The following GPC6 variants were observed in gnomAD, a reference collection of about 807,000 sequenced individuals.
GPC6 encodes the protein glypican-6.
In GPC6, 14 loss-of-function variants were observed where a neutral mutation model predicts 55.2. That is an observed-to-expected ratio of 0.25 (90% confidence interval 0.17 to 0.40). The LOEUF is 0.40. Among genes scored for constraint, GPC6 ranks in the 10% least tolerant of loss-of-function variants. The probability of loss-of-function intolerance (pLI) is 1.00; values close to 1 mark genes in which losing one functional copy is unlikely to be tolerated. For missense variants in GPC6, 641 were observed against 708.5 expected (o/e 0.90, Z 1.08); for synonymous variants, 278 against 259.6 (o/e 1.07, Z -0.68).
intron 1 of GPC6, among the ~76,000 whole-genome samples, chr13:93,534,982 G>A (rs956116562): frequency 3.3e-5 from 5 of 152,128 alleles, no homozygotes; most frequent in African/African-American, 9.7e-5. Context: ...GCTTTTGTAT[G>A]ACATGAACCT....
chr13:93,691,332 A>G (rs1458136904), intron 2 of GPC6, among the ~76,000 whole-genome samples: 1 of 152,044 alleles, frequency 6.6e-6, no homozygotes, highest in East Asian at 1.9e-4. Flanking sequence ...GGCAGTTGAG[A>G]AATTATTGGT....
intron 1 of GPC6, among the ~76,000 whole-genome samples, chr13:93,325,678 G>A (rs1879628268): frequency 6.6e-6 from 1 of 152,108 alleles, no homozygotes; most frequent in Admixed American, 6.6e-5. Context: ...ACTTTGCAAT[G>A]TATGTATGTA....
chr13:94,176,902 C>G (rs17175140), intron 4 of GPC6, among the ~76,000 whole-genome samples: 7,059 of 152,164 alleles, frequency 0.046, 203 homozygotes, highest in East Asian at 0.11. Context: ...AGTAGAACAT[C>G]GAAAACTTCA....
intron 4 of GPC6, among the ~76,000 whole-genome samples, chr13:94,169,471 A>T (rs753584346): frequency 4.6e-5 from 7 of 152,192 alleles, no homozygotes; most frequent in Non-Finnish European, 1.0e-4. Flanking sequence ...AAAATCTTAA[A>T]ATACTAGAAC....
intron 4 of GPC6, among the ~76,000 whole-genome samples, chr13:94,071,675 A>T (rs1014362662): frequency 1.3e-5 from 2 of 152,198 alleles, no homozygotes; most frequent in African/African-American, 4.8e-5. Flanking sequence ...TTCAGAGAAG[A>T]CAAAATTTCT....
chr13:94,057,643 T>C (rs1402412578), intron 4 of GPC6, among the ~76,000 whole-genome samples: 1 of 152,190 alleles, frequency 6.6e-6, no homozygotes, highest in Non-Finnish European at 1.5e-5. Context: ...GAAACCACCG[T>C]TGTGAAATAT....
intron 1 of GPC6, among the ~76,000 whole-genome samples, chr13:93,387,211 G>A (rs548231895): frequency 6.6e-6 from 1 of 151,462 alleles, no homozygotes; most frequent in South Asian, 2.1e-4. Context: ...AGACTGTGCA[G>A]GTTTGTTACA....
chr13:93,847,374 T>G (rs1451993697), intron 3 of GPC6, among the ~76,000 whole-genome samples: 1 of 152,122 alleles, frequency 6.6e-6, no homozygotes, highest in Admixed American at 6.5e-5. Flanking sequence ...TCTTTAAAAA[T>G]AGCCATAATA....
intron 1 of GPC6, among the ~76,000 whole-genome samples, chr13:93,340,026 C>CTTTTTTTTTTTTT (rs10714044): frequency 1.2e-5 from 1 of 81,618 alleles, no homozygotes; most frequent in Non-Finnish European, 2.2e-5. Flanking sequence ...AGTTTTCTTT[C>CTTTTTTTTTTTTT]TTTTTTTTTT....
chr13:94,286,346 C>T lies in GPC6; in HGVS notation c.878-3C>T. ...AATAAATCATGTTCCTGTATTTTAACAGATGCAATGCTCTTGGTGGCAGAG... is the reference window on the plus strand; with the variant it reads ...AATAAATCATGTTCCTGTATTTTAATAGATGCAATGCTCTTGGTGGCAGAG... On this transcript the variant is annotated splice_region_variant and splice_polypyrimidine_tract_variant and intron_variant, in intron 4 of 8. Coordinates refer to ENST00000377047, the MANE Select transcript of GPC6 (RefSeq NM_005708.5). 6.2e-7 allele frequency: 1 copy of T among 1,613,668 alleles called. No homozygotes were observed. The highest frequency in any genetic ancestry group is 8.5e-7 in the Non-Finnish European group (1 of 1,179,734).
intron 1 of GPC6, among the ~76,000 whole-genome samples, chr13:93,298,681 C>T (rs1317954558): frequency 2.0e-5 from 3 of 151,822 alleles, no homozygotes; most frequent in Non-Finnish European, 4.4e-5. Context: ...TTCCTAGGCT[C>T]AAGCAATTGG....
chr13:93,877,903 A>G (rs1211501174), intron 3 of GPC6, among the ~76,000 whole-genome samples: 1 of 152,020 alleles, frequency 6.6e-6, no homozygotes, highest in Admixed American at 6.6e-5. Flanking sequence ...GGGAGACTTG[A>G]GGAACTGTGA....
At chr13:93,256,662 C>CT (rs1876963341) in intron 1 of GPC6, among the ~76,000 whole-genome samples, 1 of 152,144 alleles carries the variant, frequency 6.6e-6, no homozygotes, top group Admixed American at 6.5e-5. Flanking sequence ...TAGATGTTGA[C>CT]TAAGTCCTGT....
At chr13:94,220,135 G>C (rs2139000273) in intron 4 of GPC6, among the ~76,000 whole-genome samples, 1 of 152,244 alleles carries the variant, frequency 6.6e-6, no homozygotes, top group Non-Finnish European at 1.5e-5. Context: ...CACATCAACA[G>C]TCAGATGAAT....
intron 3 of GPC6, among the ~76,000 whole-genome samples, chr13:93,900,869 T>A (rs1047982479): frequency 6.6e-6 from 1 of 152,154 alleles, no homozygotes; most frequent in Non-Finnish European, 1.5e-5. Context: ...CAGAGAAGAA[T>A]TTCTGTGGAG....
chr13:93,816,211 G>A (rs1226284491), intron 2 of GPC6, among the ~76,000 whole-genome samples: 1 of 151,876 alleles, frequency 6.6e-6, no homozygotes. Context: ...ATCAATTTGG[G>A]AAATCCTTTC....
rs554653587 is a variant in GPC6 at position 94,175,425 on chromosome 13, C to A, written c.878-110924C>A. On this transcript the variant is annotated intron_variant, in intron 4 of 8. Transcript: ENST00000377047. ...TTGCCAATTCCTACTCTATGGTGTT[C>A]GTTGTAGGAATACATTACTATTTAT... 3.9e-5 allele frequency among the ~76,000 whole-genome samples: 6 copies of A among 152,166 alleles called. No homozygotes were observed. The East Asian group carries it at 9.6e-4, about 24-fold the overall frequency.
In GPC6 at chr13:93,599,367, C is replaced by T. The variant is rs544502445; in HGVS notation, c.319+53946C>T. On this transcript the variant is annotated intron_variant, in intron 2 of 8. Coordinates refer to ENST00000377047, the MANE Select transcript of GPC6 (RefSeq NM_005708.5). ...GCTGAGATTTGTTGGCAGCTCAAAT[C>T]CAACTATTTGCTTATAGAGATCTGT... Among the ~76,000 whole-genome samples the T allele has an allele frequency of 5.0e-4, 76 of 151,286 alleles. 1 individual carries two copies. Among genetic ancestry groups the T allele is most frequent in the Non-Finnish European group, 1.3e-4 (9 of 67,946 alleles).
At chr13:94,227,716 C>G (rs1414405810) in intron 4 of GPC6, among the ~76,000 whole-genome samples, 1 of 152,012 alleles carries the variant, frequency 6.6e-6, no homozygotes, top group East Asian at 1.9e-4. Flanking sequence ...CATATCAGAA[C>G]AAAGGTTTAT....
Sources: allele counts gnomAD v4.1 joint callset (sites outside exome capture counted in the v4.1 genomes callset), GRCh38; gene constraint gnomAD v4.1.1; transcripts MANE v1.5; gene names NCBI Gene and HGNC (gene_info 2026-07-23, HGNC 2026-07-21).